Variants in GIPC3 observed in about 807,000 individuals in gnomAD.
The protein encoded by GIPC3 is GIPC PDZ domain containing family member 3.
A neutral mutation model predicts 27.3 loss-of-function variants in GIPC3; 16 were observed. That is an observed-to-expected ratio of 0.59 (90% confidence interval 0.40 to 0.89). GIPC3 has a LOEUF of 0.89. Among genes scored for constraint, GIPC3 ranks in the 40% least tolerant of loss-of-function variants. The probability of loss-of-function intolerance (pLI) is 0.00; values close to 1 mark genes in which losing one functional copy is unlikely to be tolerated. For missense variants in GIPC3, 440 were observed against 442.1 expected (o/e 1.00, Z 0.04); for synonymous variants, 194 against 184.6 (o/e 1.05, Z -0.41).
In GIPC3 at chr19:3,591,586, C is replaced by G; in HGVS notation, c.*1396C>G. 1 of 1,233,044 alleles carries G rather than the reference C, an allele frequency of 8.1e-7. No individual in the cohort carries two copies. The highest frequency in any genetic ancestry group is 1.0e-6 in the Non-Finnish European group (1 of 988,776). The allele number at this position is 1,233,044 out of a possible 1,614,324, so 76.4% of individuals were successfully genotyped here. A position where few individuals can be genotyped will look rare whatever the true frequency, so the allele number is the denominator to read the frequency against. ...GTCAGCTCAGGATTCAGAGACAGCT[C>G]CCAAATCAAATCCTATTCAAGAACT... On this transcript the variant is annotated 3_prime_UTR_variant, in exon 6 of 6. Transcript: ENST00000644452.
Position 3,591,012 on chromosome 19 carries a change from A to G in GIPC3, c.*822A>G. On this transcript the variant is annotated 3_prime_UTR_variant, in exon 6 of 6. Transcript: ENST00000644452. ...CAGCTCCGAGACCAAGCCCAGCTCT[A>G]GAACCCAGATAAGCTCTGAAACCAA... 1 of 1,233,752 alleles carries G rather than the reference A, an allele frequency of 8.1e-7. No individual in the cohort carries two copies. Among genetic ancestry groups the G allele is most frequent in the Non-Finnish European group, 1.0e-6 (1 of 989,162 alleles). The allele number at this position is 1,233,752 out of a possible 1,614,324, so 76.4% of individuals were successfully genotyped here. A position where few individuals can be genotyped will look rare whatever the true frequency, so the allele number is the denominator to read the frequency against.
Position 3,589,509 on chromosome 19 carries a change from A to G in GIPC3, c.659A>G (p.Glu220Gly). 1.9e-6 allele frequency: 3 copies of G among 1,613,950 alleles called. 1 individual carries two copies. The East Asian group carries it at 6.7e-5, about 36-fold the overall frequency. ...GAGGCGAAAGTGACCAGCGGGAGGG[A>G]GACCCTGCGGCTTCGTTCTGGGGGG... ...PVEAKVTSGR[E>G]TLRLRSGGAA... Residue 220 changes from glutamate (E) to glycine (G), a missense_variant, in exon 4 of 6, where the codon GAG becomes GGG. Coordinates refer to ENST00000644452, the MANE Select transcript of GIPC3 (RefSeq NM_133261.3).
At position 3,591,979 on chromosome 19, in the gene GIPC3, G is replaced by A; in HGVS notation, c.*1789G>A. 8.1e-7 allele frequency: 1 copy of A among 1,232,162 alleles called. No homozygotes were observed. The highest frequency in any genetic ancestry group is 1.0e-6 in the Non-Finnish European group (1 of 988,070). The allele number at this position is 1,232,162 out of a possible 1,614,324, so 76.3% of individuals were successfully genotyped here. A position where few individuals can be genotyped will look rare whatever the true frequency, so the allele number is the denominator to read the frequency against. ...CAATCCAGCCCAAGCACCGCACCCA[G>A]CTCTGGAACTCAGCTCAGTTCTGGA... On this transcript the variant is annotated 3_prime_UTR_variant, in exon 6 of 6. Coordinates refer to ENST00000644452, the MANE Select transcript of GIPC3 (RefSeq NM_133261.3).
At position 3,586,600 on chromosome 19, in the gene GIPC3, A is replaced by T; in HGVS notation, c.331A>T (p.Lys111Ter). 6.2e-7 allele frequency: 1 copy of T among 1,613,612 alleles called. No individual in the cohort carries two copies. Among genetic ancestry groups the T allele is most frequent in the Admixed American group, 1.7e-5 (1 of 59,998 alleles). The stretch of plus-strand genomic sequence containing the variant: ...CTTTGCCCACGTGCGAGGCGAGACC[A>T]AGGAGGTGGAGGTCACTAAGACAGA... ...FIFAHVRGET[K>*]EVEVTKTEDA... The change falls in exon 2 of 6, where the codon AAG becomes TAG. Residue 111 changes from lysine to a stop codon, truncating the protein, a stop_gained. Coordinates refer to ENST00000644452, the MANE Select transcript of GIPC3 (RefSeq NM_133261.3). LOFTEE classifies it high-confidence loss of function.
Position 3,592,230 on chromosome 19 carries a change from G to A in GIPC3, c.*2040G>A, listed in dbSNP as rs1225479096. The A allele has an allele frequency of 4.1e-5, 50 of 1,232,008 alleles. No individual in the cohort carries two copies. Among genetic ancestry groups the A allele is most frequent in the Non-Finnish European group, 4.7e-5 (46 of 988,158 alleles). The allele number at this position is 1,232,008 out of a possible 1,614,324, so 76.3% of individuals were successfully genotyped here. Reference sequence around the variant, plus strand: ...TCGACCAGCCTCTGGGACTCAATTCGCCTCTAAAACCCTGCCAGGTTCTAG... The same window carrying A: ...TCGACCAGCCTCTGGGACTCAATTCACCTCTAAAACCCTGCCAGGTTCTAG... On this transcript the variant is annotated 3_prime_UTR_variant, in exon 6 of 6. Transcript: ENST00000644452.
At chr19:3,586,424 T>G in intron 1 of GIPC3, 71 bp from the exon 2 acceptor site, 1 of 1,391,202 alleles carries the variant, frequency 7.2e-7, no homozygotes, top group East Asian at 2.3e-5. Context: ...GGCAGGGGCC[T>G]GCGCAGACAG....
chr19:3,591,968 C>T lies in GIPC3; in HGVS notation c.*1778C>T. ...GCTCCAGAGCTCAATCCAGCCCAAG[C>T]ACCGCACCCAGCTCTGGAACTCAGC... On this transcript the variant is annotated 3_prime_UTR_variant, in exon 6 of 6. Transcript: ENST00000644452. 4 of 1,232,018 alleles carry T rather than the reference C, an allele frequency of 3.2e-6. No homozygotes were observed. The highest frequency in any genetic ancestry group is 3.1e-5 in the African/African-American group (2 of 64,424). 76.3% of individuals were successfully genotyped at this position (1,232,018 alleles called of 1,614,324 possible). A position where few individuals can be genotyped will look rare whatever the true frequency, so the allele number is the denominator to read the frequency against.
chr19:3,592,804 C>T lies in GIPC3; in HGVS notation c.*2614C>T. The T allele has an allele frequency of 4.9e-6, 6 of 1,232,122 alleles. No homozygotes were observed. The highest frequency in any genetic ancestry group is 6.1e-6 in the Non-Finnish European group (6 of 987,962). The allele number at this position is 1,232,122 out of a possible 1,614,324, so 76.3% of individuals were successfully genotyped here. ...ACCCAGCCTGTTTCTGGAACCCAATCCAGTTCCAGAACTCACACCAGTTCA... is the reference window on the plus strand; with the variant it reads ...ACCCAGCCTGTTTCTGGAACCCAATTCAGTTCCAGAACTCACACCAGTTCA... On this transcript the variant is annotated 3_prime_UTR_variant, in exon 6 of 6. Coordinates refer to ENST00000644452, the MANE Select transcript of GIPC3 (RefSeq NM_133261.3).
chr19:3,589,540 C>T lies in GIPC3; in HGVS notation c.690C>T (p.Ala230=). 6.2e-7 allele frequency: 1 copy of T among 1,613,698 alleles called. No individual in the cohort carries two copies. The highest frequency in any genetic ancestry group is 8.5e-7 in the Non-Finnish European group (1 of 1,179,754). ...ETLRLRSGGA[A]TVEEAPSEFE... Reference sequence around the variant, plus strand: ...TGCGGCTTCGTTCTGGGGGGGCTGCCACAGTGGAGGAAGCGGTGAGTGAAG... The same window carrying T: ...TGCGGCTTCGTTCTGGGGGGGCTGCTACAGTGGAGGAAGCGGTGAGTGAAG... The change falls in exon 4 of 6, where the codon GCC becomes GCT. Residue 230 remains alanine, a synonymous_variant. Transcript: ENST00000644452.
chr19:3,593,033 C>T lies in GIPC3; in HGVS notation c.*2843C>T, dbSNP rs2032516815. ...GTGGCATCCAGGCCAGCCTTGGCCC[C>T]ATCCCAGGCTTACCCCAAGCCTCCT... On this transcript the variant is annotated 3_prime_UTR_variant, in exon 6 of 6. Coordinates refer to ENST00000644452, the MANE Select transcript of GIPC3 (RefSeq NM_133261.3). 1 of 1,232,170 alleles carries T rather than the reference C, an allele frequency of 8.1e-7. No individual in the cohort carries two copies. The allele number at this position is 1,232,170 out of a possible 1,614,324, so 76.3% of individuals were successfully genotyped here.
At position 3,590,794 on chromosome 19, in the gene GIPC3, C is replaced by G. The variant is rs992402682; in HGVS notation, c.*604C>G. ...CCCAGCTCTAGAACTCAGATGGGCT[C>G]TGAGACCGAGCCCAGCTCTAGAACT... is the stretch of plus-strand genomic sequence containing the variant. On this transcript the variant is annotated 3_prime_UTR_variant, in exon 6 of 6. Coordinates refer to ENST00000644452, the MANE Select transcript of GIPC3 (RefSeq NM_133261.3). 23 of 1,235,290 alleles carry G rather than the reference C, an allele frequency of 1.9e-5. 1 individual carries two copies. The highest frequency in any genetic ancestry group is 2.3e-5 in the Non-Finnish European group (23 of 990,014). 76.5% of individuals were successfully genotyped at this position (1,235,290 alleles called of 1,614,324 possible).
intron 4 of GIPC3, 100 bp from the exon 5 acceptor site, chr19:3,589,731 G>A (rs763904089): frequency 1.9e-5 from 24 of 1,254,120 alleles, no homozygotes; most frequent in Admixed American, 7.0e-5. Flanking sequence ...CTCGTGTGAG[G>A]GTCCAGTCTA....
Position 3,590,428 on chromosome 19 carries a change from T to C in GIPC3, c.*238T>C. On this transcript the variant is annotated 3_prime_UTR_variant, in exon 6 of 6. Coordinates refer to ENST00000644452, the MANE Select transcript of GIPC3 (RefSeq NM_133261.3). ...ACCAAGCCCAGCATTGAGAATAAGC[T>C]CTGTTCTAAAACTCAGGCCAGCCCT... The C allele has an allele frequency of 2.1e-6, 3 of 1,430,610 alleles. No individual in the cohort carries two copies. The highest frequency in any genetic ancestry group is 3.0e-5 in the South Asian group (2 of 66,118). The allele number at this position is 1,430,610 out of a possible 1,614,324, so 88.6% of individuals were successfully genotyped here. A position where few individuals can be genotyped will look rare whatever the true frequency, so the allele number is the denominator to read the frequency against.
At position 3,586,807 on chromosome 19, in the gene GIPC3, C is replaced by T. The variant is rs1173754228; in HGVS notation, c.412-7C>T. On this transcript the variant is annotated splice_region_variant and splice_polypyrimidine_tract_variant and intron_variant, in intron 2 of 5. Transcript: ENST00000644452. ...GTTGCCCTGCCAGCGACGCTGGATC[C>T]CTGCAGAGAATCAAGGAAGGCAGTA... 3 of 1,613,270 alleles carry T rather than the reference C, an allele frequency of 1.9e-6. No individual in the cohort carries two copies. The highest frequency in any genetic ancestry group is 2.5e-6 in the Non-Finnish European group (3 of 1,179,910).
At position 3,586,524 on chromosome 19, in the gene GIPC3, A is replaced by C. The variant is rs2032368287; in HGVS notation, c.255A>C (p.Lys85Asn). 1.2e-6 allele frequency: 2 copies of C among 1,613,768 alleles called. No homozygotes were observed. The highest frequency in any genetic ancestry group is 2.7e-5 in the African/African-American group (2 of 74,914). The change falls in exon 2 of 6, where the codon AAA becomes AAC. Residue 85 changes from lysine to asparagine, a missense_variant. Physicochemically the swap from Lys to Asn is moderately conservative, Grantham distance 94. Coordinates refer to ENST00000644452, the MANE Select transcript of GIPC3 (RefSeq NM_133261.3). ...EILFCTLNSH[K>N]VDMQKLLGGQ... is the part of the protein sequence containing the mutation. ...TATTCTGCACCCTCAACAGCCACAA[A>C]GTGGACATGCAGAAGCTCCTGGGGG... is the stretch of plus-strand genomic sequence containing the variant.
Position 3,590,121 on chromosome 19 carries a change from C to T in GIPC3, c.870C>T (p.Phe290=), listed in dbSNP as rs764287192. The T allele has an allele frequency of 1.3e-5, 21 of 1,610,944 alleles. No homozygotes were observed. Among genetic ancestry groups the T allele is most frequent in the Middle Eastern group, 1.7e-4 (1 of 6,048 alleles). ...GTTTAGACTCCGTCTTGGGCGAGTT[C>T]GCCTTCCCCGACGAGTTTGTGGTGG... ...ARCLDSVLGE[F]AFPDEFVVEV... Residue 290 remains phenylalanine (F), a synonymous_variant, in exon 6 of 6, where the codon TTC becomes TTT. Transcript: ENST00000644452.
chr19:3,586,678 A>C lies in GIPC3; in HGVS notation c.409A>C (p.Lys137Gln). The change falls in exon 2 of 6, where the codon AAG becomes CAG. Residue 137 changes from lysine to glutamine, a missense_variant and splice_region_variant. Coordinates refer to ENST00000644452, the MANE Select transcript of GIPC3 (RefSeq NM_133261.3). ...TDNGAGYAFI[K>Q]RIKEGSIINR... The stretch of plus-strand genomic sequence containing the variant: ...CAACGGGGCTGGCTACGCCTTCATC[A>C]AGGTGCCCGGGAGGGGGTGGGCGGG... The C allele has an allele frequency of 6.4e-7, 1 of 1,551,638 alleles. No homozygotes were observed. Among genetic ancestry groups the C allele is most frequent in the Non-Finnish European group, 8.9e-7 (1 of 1,129,836 alleles).
intron 1 of GIPC3, 106 bp downstream of exon 1, chr19:3,585,928 C>T (rs2032355517): frequency 6.9e-7 from 1 of 1,455,332 alleles, no homozygotes; most frequent in East Asian, 2.7e-5. Context: ...TCCCAGACGT[C>T]GGGGTGGCCG....
chr19:3,589,529 G>A lies in GIPC3; in HGVS notation c.679G>A (p.Gly227Arg), dbSNP rs202075236. Residue 227 changes from glycine to arginine, a missense_variant, in exon 4 of 6, where the codon GGG becomes AGG. By Grantham distance (125) the Gly-to-Arg change is moderately radical (BLOSUM62 -2). Coordinates refer to ENST00000644452, the MANE Select transcript of GIPC3 (RefSeq NM_133261.3). ...SGRETLRLRS[G>R]GAATVEEAPS... Reference sequence around the variant, plus strand: ...GAGGGAGACCCTGCGGCTTCGTTCTGGGGGGGCTGCCACAGTGGAGGAAGC... The same window carrying A: ...GAGGGAGACCCTGCGGCTTCGTTCTAGGGGGGCTGCCACAGTGGAGGAAGC... 3 of 1,613,086 alleles carry A rather than the reference G, an allele frequency of 1.9e-6. No individual in the cohort carries two copies. Among genetic ancestry groups the A allele is most frequent in the East Asian group, 2.2e-5 (1 of 44,870 alleles).
Sources: allele counts gnomAD v4.1 joint callset, GRCh38; gene constraint gnomAD v4.1.1; transcripts MANE v1.5; gene names NCBI Gene and HGNC (gene_info 2026-07-23, HGNC 2026-07-21).